Variants in ARFGEF2 observed in about 807,000 individuals in gnomAD.
ARFGEF2 encodes ARF guanine nucleotide exchange factor 2, also known as brefeldin A-inhibited guanine nucleotide-exchange protein 2.
Under a neutral mutation model 219.9 loss-of-function variants are expected in ARFGEF2, and 74 were observed. That is an observed-to-expected ratio of 0.34 (90% CI 0.28 to 0.41). The LOEUF (loss-of-function observed/expected upper bound fraction) is 0.41, where lower values mean the gene tolerates loss of function less well. ARFGEF2 is among the 10% of genes least tolerant of loss of function. ARFGEF2 has a pLI of 1.00. For missense variants in ARFGEF2, 1,743 were observed against 2,218.3 expected (o/e 0.79, Z 4.30); for synonymous variants, 733 against 799.2 (o/e 0.92, Z 1.40).
intron 3 of ARFGEF2, 108 bp downstream of exon 3, chr20:48,942,095 C>A: frequency 1.4e-6 from 2 of 1,424,878 alleles, no homozygotes; most frequent in Non-Finnish European, 1.9e-6. Context: ...CTGTCAGAGG[C>A]GATGCAGAAA....
At chr20:48,935,845 ACGGGGCGGCTGGCCGGG>A in intron 1 of ARFGEF2, among the ~76,000 whole-genome samples, 1 of 99,632 alleles carries the variant, frequency 1.0e-5, no homozygotes, top group African/African-American at 4.5e-5. Context: ...TCCCTCCCGG[ACGGGGCGGCTGGCCGGG>A]CAGAGGAGCT....
intron 6 of ARFGEF2, 114 bp downstream of exon 6, chr20:48,953,904 C>G (rs2123359683): frequency 1.9e-6 from 2 of 1,068,342 alleles, no homozygotes; most frequent in Non-Finnish European, 2.8e-6. Context: ...AACAGCTTAT[C>G]TCTTTCTGGG....
Position 49,033,051 on chromosome 20 carries a change from C to T in ARFGEF2, c.5210C>T (p.Pro1737Leu), listed in dbSNP as rs2091646241. The T allele has an allele frequency of 1.9e-6, 3 of 1,614,058 alleles. No homozygotes were observed. The highest frequency in any genetic ancestry group is 2.5e-6 in the Non-Finnish European group (3 of 1,180,046). ...KFKAHASMYY[P>L]YLCEIMQFDL... ...AAAGCACATGCTTCAATGTACTACC[C>T]CTACTTGTGTGAAATTATGCAGTTT... The change falls in exon 39 of 39, where the codon CCC (proline) becomes CTC (leucine). Residue 1737 changes from proline (P) to leucine (L), a missense_variant. Physicochemically the swap from Pro to Leu is moderately conservative, Grantham distance 98 (BLOSUM62 -3). Coordinates refer to ENST00000371917, the MANE Select transcript of ARFGEF2 (RefSeq NM_006420.3).
At position 48,935,668 on chromosome 20, in the gene ARFGEF2, G is replaced by A. The variant is rs983831104; in HGVS notation, c.122-5531G>A. 2.8e-3 allele frequency among the ~76,000 whole-genome samples: 421 copies of A among 151,878 alleles called. 4 individuals are homozygous for A. Among genetic ancestry groups the A allele is most frequent in the Non-Finnish European group, 2.2e-3 (149 of 67,876 alleles). On this transcript the variant is annotated intron_variant, in intron 1 of 38. Transcript: ENST00000371917. ...GGGCTCCTCACTTCCCAGTAGGGGC[G>A]GCCGGGCAGAGGCGCCCCTCACCTC... is the stretch of plus-strand genomic sequence containing the variant.
chr20:48,946,045 C>G (rs1392689162), intron 3 of ARFGEF2, among the ~76,000 whole-genome samples: 8 of 152,144 alleles, frequency 5.3e-5, no homozygotes, highest in Admixed American at 4.6e-4. Flanking sequence ...ATGTACTTCC[C>G]CATGGTGGCT....
intron 23 of ARFGEF2, among the ~76,000 whole-genome samples, chr20:48,996,248 A>T (rs748643684): frequency 6.7e-5 from 10 of 149,574 alleles, no homozygotes; most frequent in Non-Finnish European, 1.3e-4. Context: ...TAGATCAGGA[A>T]ATCGAGACCA....
intron 1 of ARFGEF2, among the ~76,000 whole-genome samples, chr20:48,937,337 A>G (rs2090964889): frequency 6.6e-6 from 1 of 152,200 alleles, no homozygotes; most frequent in African/African-American, 2.4e-5. Context: ...CATCCCTTAC[A>G]AAGATGCCGT....
At chr20:48,950,811 A>ATATATATAT (rs1555808097) in intron 3 of ARFGEF2, among the ~76,000 whole-genome samples, 5 of 64,510 alleles carry the variant, frequency 7.8e-5, no homozygotes, top group East Asian at 4.9e-4. Flanking sequence ...AAAAAAAAAA[A>ATATATATAT]ATATATATAT....
chr20:49,005,042 T>C, intron 25 of ARFGEF2, 28 bp from the exon 26 acceptor site: 1 of 1,614,116 alleles, frequency 6.2e-7, no homozygotes, highest in Non-Finnish European at 8.5e-7. Flanking sequence ...ACTATACCTG[T>C]TTCACATCAG....
At chr20:48,954,786 A>G (rs1443417389) in intron 6 of ARFGEF2, among the ~76,000 whole-genome samples, 1 of 152,134 alleles carries the variant, frequency 6.6e-6, no homozygotes, top group South Asian at 2.1e-4. Flanking sequence ...CAGGGTGAGC[A>G]CGGAGTTGCC....
intron 6 of ARFGEF2, among the ~76,000 whole-genome samples, chr20:48,959,573 CCT>C (rs2091132101): frequency 2.6e-5 from 2 of 78,056 alleles, no homozygotes; most frequent in Non-Finnish European, 2.6e-5. Flanking sequence ...CTCCCTCCCT[CCT>C]TCCTTCCCTC....
At position 48,989,268 on chromosome 20, in the gene ARFGEF2, A is replaced by T; in HGVS notation, c.2534-17A>T. ...TCAGTGACTGCTAGCCACACCTATC[A>T]TGCTCTTACTTTACAGATGTAGCTA... On this transcript the variant is annotated splice_polypyrimidine_tract_variant and intron_variant, in intron 18 of 38. Coordinates refer to ENST00000371917, the MANE Select transcript of ARFGEF2 (RefSeq NM_006420.3). 2 of 1,614,118 alleles carry T rather than the reference A, an allele frequency of 1.2e-6. No individual in the cohort carries two copies. Among genetic ancestry groups the T allele is most frequent in the Non-Finnish European group, 1.7e-6 (2 of 1,179,980 alleles).
intron 20 of ARFGEF2, 74 bp downstream of exon 20, chr20:48,989,758 T>C: frequency 6.2e-7 from 1 of 1,601,654 alleles, no homozygotes; most frequent in Non-Finnish European, 8.5e-7. Flanking sequence ...ACTTAGAAAT[T>C]ATCAGAAATT....
chr20:48,969,371 G>C, intron 9 of ARFGEF2, 94 bp downstream of exon 9: 1 of 1,608,038 alleles, frequency 6.2e-7, no homozygotes, highest in Non-Finnish European at 8.5e-7. Context: ...AGAAGTTTCA[G>C]TGTCATGTCT....
At position 48,998,464 on chromosome 20, in the gene ARFGEF2, TG is replaced by T. The variant is rs1273552740; in HGVS notation, c.3393del (p.Trp1131CysfsTer7). 6.2e-7 allele frequency: 1 copy of T among 1,613,660 alleles called. No homozygotes were observed. The highest frequency in any genetic ancestry group is 1.1e-5 in the South Asian group (1 of 91,068). ...CAACATGAATCGGATCCGACTACAGTGGTCTCGAATATGGCATGTGATTGGA... is the reference window on the plus strand; with the variant it reads ...CAACATGAATCGGATCCGACTACAGTGTCTCGAATATGGCATGTGATTGGA... ...YYNMNRIRLQ[W>X]SRIWHVIGDH... On this transcript the variant is annotated frameshift_variant, in exon 25 of 39. Transcript: ENST00000371917. LOFTEE classifies it high-confidence loss of function.
At chr20:48,984,906 T>A in intron 15 of ARFGEF2, 66 bp downstream of exon 15, 1 of 1,610,920 alleles carries the variant, frequency 6.2e-7, no homozygotes, top group Non-Finnish European at 8.5e-7. Context: ...CTTACCAGTT[T>A]TAACCTCGAG....
chr20:49,017,439 T>G, intron 32 of ARFGEF2, 52 bp downstream of exon 32: 1 of 1,613,650 alleles, frequency 6.2e-7, no homozygotes, highest in Non-Finnish European at 8.5e-7. Context: ...GTGGATGTCT[T>G]AAAGCTCCTG....
At chr20:48,937,397 T>G (rs984962002) in intron 1 of ARFGEF2, among the ~76,000 whole-genome samples, 1 of 152,110 alleles carries the variant, frequency 6.6e-6, no homozygotes, top group Non-Finnish European at 1.5e-5. Flanking sequence ...TTCAAGAGTG[T>G]CTTTCTTTCT....
rs556646135 is a variant in ARFGEF2, at chr20:49,001,555, A to G, written c.3432+3050A>G. Among the ~76,000 whole-genome samples the G allele has an allele frequency of 8.5e-5, 13 of 152,296 alleles. No individual in the cohort carries two copies. The East Asian group carries it at 2.1e-3, about 25-fold the overall frequency. On this transcript the variant is annotated intron_variant, in intron 25 of 38. Transcript: ENST00000371917. The stretch of plus-strand genomic sequence containing the variant: ...CTGTGTCCTGGATGAGCAAAGCTTC[A>G]CACTAAGCATGGTGTGTATGCCTGG...
Sources: gnomAD v4.1 joint callset for allele counts (sites outside exome capture counted in the v4.1 genomes callset) on GRCh38, gnomAD v4.1.1 for gene constraint, MANE v1.5 for transcripts, NCBI Gene and HGNC (gene_info 2026-07-23, HGNC 2026-07-21) for gene names.